Variants in EBF2 observed in about 807,000 individuals in gnomAD.
EBF2 encodes the protein EBF transcription factor 2.
A neutral mutation model predicts 72.8 loss-of-function variants in EBF2; 21 were observed. The ratio of observed to expected loss-of-function variants is 0.29; its 90% confidence interval spans 0.20 to 0.42. The LOEUF is 0.42. EBF2 is among the 10% of genes least tolerant of loss of function. The pLI, the probability that EBF2 is intolerant of heterozygous loss-of-function variation, is 1.00. For missense variants in EBF2, 637 were observed against 731.2 expected (o/e 0.87, Z 1.49); for synonymous variants, 299 against 274.2 (o/e 1.09, Z -0.89).
chr8:25,853,676 AAATAATAGGTTCAAGGGCATTT>A (rs1226009966), intron 14 of EBF2, among the ~76,000 whole-genome samples: 64 of 152,140 alleles, frequency 4.2e-4, no homozygotes, highest in African/African-American at 1.5e-3. Flanking sequence ...ACTGTGCCAA[AAATAATAGGTTCAAGGGCATTT>A]TTATAATAAT....
At chr8:25,848,857 C>T (rs1187570207) in intron 15 of EBF2, among the ~76,000 whole-genome samples, 5 of 151,976 alleles carry the variant, frequency 3.3e-5, no homozygotes, top group African/African-American at 4.8e-5. Flanking sequence ...GGGTTAAGGT[C>T]GATGAATAAA....
rs1042176722 is a variant in EBF2 at position 26,044,150 on chromosome 8, C to G, written c.131+579G>C. The stretch of plus-strand genomic sequence containing the variant: ...CACTGTTTTATCTTTGAGCCGGGAC[C>G]CTCCAGCCTGTCCCCCCTCCCAGAG... On this transcript the variant is annotated intron_variant, in intron 1 of 15. Transcript: ENST00000520164. The surrounding 1 kb of genome is among the most constrained non-coding windows in gnomAD (Gnocchi z 4.1). Among the ~76,000 whole-genome samples the G allele has an allele frequency of 6.6e-6, 1 of 152,232 alleles. No individual in the cohort carries two copies. The highest frequency in any genetic ancestry group is 2.4e-5 in the African/African-American group (1 of 41,458).
At chr8:25,985,484 G>GA (rs900244128) in intron 6 of EBF2, among the ~76,000 whole-genome samples, 94 of 152,206 alleles carry the variant, frequency 6.2e-4, no homozygotes, top group African/African-American at 2.1e-3. Flanking sequence ...TTTCTGAACA[G>GA]AAAAAAACCC....
intron 7 of EBF2, 109 bp downstream of exon 7, chr8:25,908,365 G>A (rs1803073798): frequency 2.6e-6 from 2 of 763,616 alleles, no homozygotes; most frequent in Non-Finnish European, 2.1e-6. Context: ...TTTATTGTTA[G>A]GAGTAGCAGT....
intron 6 of EBF2, among the ~76,000 whole-genome samples, chr8:26,025,831 T>C (rs762877731): frequency 3.3e-5 from 5 of 152,116 alleles, no homozygotes; most frequent in Non-Finnish European, 7.3e-5. Context: ...CTGTGGTTTT[T>C]ATTGAGAAAA....
chr8:25,909,331 C>T (rs1409104757), intron 6 of EBF2, among the ~76,000 whole-genome samples: 1 of 151,970 alleles, frequency 6.6e-6, no homozygotes. Context: ...CAGCAACTCA[C>T]CTAGTTAATG....
At chr8:25,951,625 A>G (rs1803863176) in intron 6 of EBF2, among the ~76,000 whole-genome samples, 1 of 152,198 alleles carries the variant, frequency 6.6e-6, no homozygotes, top group Non-Finnish European at 1.5e-5. Context: ...GAGAGAATAC[A>G]CACACTTAGC....
intron 6 of EBF2, among the ~76,000 whole-genome samples, chr8:25,979,066 C>T (rs1483557783): frequency 2.0e-5 from 3 of 152,292 alleles, no homozygotes; most frequent in Non-Finnish European, 4.4e-5. Flanking sequence ...GAAGGATCCA[C>T]ATAGAAAATG....
At chr8:25,848,527 A>AAGTGGGGTGGGGATGAC (rs1420704042) in intron 15 of EBF2, among the ~76,000 whole-genome samples, 1 of 152,080 alleles carries the variant, frequency 6.6e-6, no homozygotes, top group Admixed American at 6.6e-5. Flanking sequence ...ATGCAGCAGG[A>AAGTGGGGTGGGGATGAC]AGTGGGGTGG....
chr8:25,971,446 C>A (rs901568267), intron 6 of EBF2, among the ~76,000 whole-genome samples: 1 of 152,034 alleles, frequency 6.6e-6, no homozygotes, highest in African/African-American at 2.4e-5. Flanking sequence ...GATTCCAGAC[C>A]CCGCCCCCGA....
intron 1 of EBF2, among the ~76,000 whole-genome samples, chr8:26,043,252 G>C (rs1211301905): frequency 1.3e-5 from 2 of 152,258 alleles, no homozygotes; most frequent in Admixed American, 1.3e-4. Flanking sequence ...CACAGATTGC[G>C]GGAGCTGCCC....
At chr8:25,914,084 G>A (rs566925956) in intron 6 of EBF2, among the ~76,000 whole-genome samples, 15 of 152,268 alleles carry the variant, frequency 9.9e-5, no homozygotes, top group East Asian at 3.9e-4. Flanking sequence ...TCCTTTGGGC[G>A]ATTAGGCAAT....
chr8:25,982,077 G>T (rs369457650), intron 6 of EBF2, among the ~76,000 whole-genome samples: 2 of 152,108 alleles, frequency 1.3e-5, no homozygotes, highest in Admixed American at 6.6e-5. Flanking sequence ...TCAGCCCCTC[G>T]TATTATATAT....
chr8:25,936,084 A>C lies in EBF2; in HGVS notation c.552-27529T>G, dbSNP rs193037851. Among the ~76,000 whole-genome samples, 51 of 152,336 alleles carry C rather than the reference A, an allele frequency of 3.3e-4. No homozygotes were observed. The East Asian group carries it at 9.9e-3, about 29-fold the overall frequency. On this transcript the variant is annotated intron_variant, in intron 6 of 15. Transcript: ENST00000520164. ...GGCAGTGTTCAGTGTGGTTAGAGGC[A>C]GCAGAGGAGTAGAGAAGAGTATGCT...
chr8:25,975,919 A>C (rs1392139082), intron 6 of EBF2, among the ~76,000 whole-genome samples: 1 of 152,172 alleles, frequency 6.6e-6, no homozygotes, highest in Non-Finnish European at 1.5e-5. Flanking sequence ...AAGAAAAGTT[A>C]AAAATTACAT....
intron 6 of EBF2, among the ~76,000 whole-genome samples, chr8:25,982,591 C>T (rs997945928): frequency 1.3e-5 from 2 of 152,174 alleles, no homozygotes; most frequent in African/African-American, 4.8e-5. Context: ...GGTTGGAGAA[C>T]TGTATGCAGA....
At chr8:26,036,384 T>G (rs1013729635) in intron 5 of EBF2, among the ~76,000 whole-genome samples, 8 of 152,174 alleles carry the variant, frequency 5.3e-5, no homozygotes, top group Non-Finnish European at 1.2e-4. Context: ...AAATATCATC[T>G]CTAATGCTGA....
Position 25,842,851 on chromosome 8 carries a change from T to C in EBF2, c.*1758A>G, listed in dbSNP as rs1232103094. ...TGAAATCATCTAAAATTGGCTCAGATGCACTCATGATGTTTTTCCATGAGT... is the reference window on the plus strand; with the variant it reads ...TGAAATCATCTAAAATTGGCTCAGACGCACTCATGATGTTTTTCCATGAGT... On this transcript the variant is annotated 3_prime_UTR_variant, in exon 16 of 16. Coordinates refer to ENST00000520164, the MANE Select transcript of EBF2 (RefSeq NM_022659.4). The C allele has an allele frequency of 6.6e-6, 1 of 152,210 alleles. No homozygotes were observed. The highest frequency in any genetic ancestry group is 1.5e-5 in the Non-Finnish European group (1 of 68,034). 9.4% of individuals were successfully genotyped at this position (152,210 alleles called of 1,614,324 possible). A position where few individuals can be genotyped will look rare whatever the true frequency, so the allele number is the denominator to read the frequency against.
At chr8:25,939,909 G>A (rs1803641336) in intron 6 of EBF2, among the ~76,000 whole-genome samples, 2 of 152,154 alleles carry the variant, frequency 1.3e-5, no homozygotes, top group Admixed American at 6.5e-5. Flanking sequence ...GTATGATACT[G>A]CTCAAAATCA....
Sources: gnomAD v4.1 joint callset for allele counts (sites outside exome capture counted in the v4.1 genomes callset) on GRCh38, gnomAD v4.1.1 for gene constraint, Gnocchi (gnomAD v3.1) non-coding constraint, MANE v1.5 for transcripts, NCBI Gene and HGNC (gene_info 2026-07-23, HGNC 2026-07-21) for gene names.